The following MACROD2 variants were observed in gnomAD, a reference collection of about 807,000 sequenced individuals.
MACROD2 encodes the protein ADP-ribose glycohydrolase MACROD2.
A neutral mutation model predicts 70.4 loss-of-function variants in MACROD2; 36 were observed. The ratio of observed to expected loss-of-function variants is 0.51; its 90% CI spans 0.39 to 0.68. The LOEUF is 0.68. Among genes scored for constraint, MACROD2 ranks in the 30% least tolerant of loss-of-function variants. The pLI is 0.00. For missense variants in MACROD2, 496 were observed against 538.4 expected, an observed-to-expected ratio of 0.92 and a Z score of 0.78; for synonymous variants, 172 against 178.8, an observed-to-expected ratio of 0.96 and a Z score of 0.30.
intron 8 of MACROD2, among the ~76,000 whole-genome samples, chr20:15,586,877 TA>T (rs781592693): frequency 6.6e-6 from 1 of 151,668 alleles, no homozygotes; most frequent in Non-Finnish European, 1.5e-5. Flanking sequence ...TAGCATATTT[TA>T]AAAATTTGTG....
chr20:14,965,453 CTTTTT>C (rs532870999), intron 5 of MACROD2, among the ~76,000 whole-genome samples: 425 of 67,962 alleles, frequency 6.3e-3, no homozygotes, highest in African/African-American at 0.022. Flanking sequence ...ATTTTTTTTT[CTTTTT>C]TTTTTTTTTT....
At chr20:14,786,434 C>G (rs2072375090) in intron 5 of MACROD2, among the ~76,000 whole-genome samples, 1 of 151,936 alleles carries the variant, frequency 6.6e-6, no homozygotes, top group South Asian at 2.1e-4. Flanking sequence ...GAGAGTTTGG[C>G]TGGGAAGGAC....
At chr20:15,352,044 G>A (rs2078233056) in intron 6 of MACROD2, among the ~76,000 whole-genome samples, 1 of 152,170 alleles carries the variant, frequency 6.6e-6, no homozygotes, top group Admixed American at 6.5e-5. Flanking sequence ...GCTTAAATTA[G>A]GAGATCATCT....
intron 6 of MACROD2, among the ~76,000 whole-genome samples, chr20:15,305,920 C>A (rs1216428190): frequency 7.9e-5 from 12 of 152,224 alleles, no homozygotes; most frequent in East Asian, 1.9e-4. Flanking sequence ...ACTATAAATT[C>A]TATCTTTTGA....
chr20:15,079,591 C>T (rs1271245302), intron 5 of MACROD2, among the ~76,000 whole-genome samples: 5 of 152,112 alleles, frequency 3.3e-5, no homozygotes, highest in African/African-American at 1.2e-4. Flanking sequence ...CTCCCCTTAA[C>T]ATTCACACCT....
intron 2 of MACROD2, among the ~76,000 whole-genome samples, chr20:14,056,195 A>G (rs2053629050): frequency 6.6e-6 from 1 of 152,076 alleles, no homozygotes; most frequent in African/African-American, 2.4e-5. Context: ...TAAAAAAATT[A>G]TTAGCAAACA....
chr20:14,640,373 G>A (rs935442521), intron 4 of MACROD2, among the ~76,000 whole-genome samples: 3 of 152,164 alleles, frequency 2.0e-5, no homozygotes, highest in African/African-American at 7.2e-5. Flanking sequence ...ACAAGTGAAG[G>A]AAATGGGAAG....
chr20:14,911,353 A>G (rs1351113601), intron 5 of MACROD2, among the ~76,000 whole-genome samples: 1 of 152,064 alleles, frequency 6.6e-6, no homozygotes, highest in Non-Finnish European at 1.5e-5. Flanking sequence ...ATAGCTATCA[A>G]TGGCTAGAGC....
chr20:15,208,776 C>A (rs1168287635), intron 5 of MACROD2, among the ~76,000 whole-genome samples: 1 of 152,198 alleles, frequency 6.6e-6, no homozygotes, highest in Non-Finnish European at 1.5e-5. Flanking sequence ...CAGTTAGCTT[C>A]CACTGACCCA....
intron 5 of MACROD2, among the ~76,000 whole-genome samples, chr20:15,102,765 T>C (rs1396477271): frequency 2.6e-5 from 4 of 151,956 alleles, no homozygotes; most frequent in Admixed American, 2.0e-4. Context: ...TTGTTTATAA[T>C]AGCAAAAAAT....
chr20:15,743,528 A>C (rs1046231008), intron 8 of MACROD2, among the ~76,000 whole-genome samples: 1 of 151,980 alleles, frequency 6.6e-6, no homozygotes, highest in Non-Finnish European at 1.5e-5. Flanking sequence ...CTTCATCCTA[A>C]CCTACCTACC....
At chr20:15,108,012 A>AT (rs1215235924) in intron 5 of MACROD2, among the ~76,000 whole-genome samples, 9 of 125,520 alleles carry the variant, frequency 7.2e-5, no homozygotes, top group African/African-American at 2.7e-4. Flanking sequence ...TTTTTTTATT[A>AT]TTTTTTTAAA....
At chr20:15,243,918 T>A (rs1275353488) in intron 6 of MACROD2, among the ~76,000 whole-genome samples, 1 of 151,818 alleles carries the variant, frequency 6.6e-6, no homozygotes, top group Non-Finnish European at 1.5e-5. Context: ...AGAGCGAGAC[T>A]CCATCTCAAA....
chr20:14,597,227 T>C (rs745834785), intron 4 of MACROD2, among the ~76,000 whole-genome samples: 22 of 152,152 alleles, frequency 1.4e-4, no homozygotes, highest in Non-Finnish European at 2.9e-4. Context: ...CAGTATTGCT[T>C]ACATACAGTG....
chr20:14,973,225 CTTT>C lies in MACROD2; in HGVS notation c.419-256693_419-256691del, dbSNP rs1223038135. ...AGAGTGCCTAAGAGGTGAGTAGTTG[CTTT>C]TTTTTTTTTTTTTTTTTTTTTGAGG... On this transcript the variant is annotated intron_variant, in intron 5 of 17. Transcript: ENST00000684519. Among the ~76,000 whole-genome samples, 338 of 85,716 alleles carry C rather than the reference CTTT, an allele frequency of 3.9e-3. 1 individual carries two copies. Among genetic ancestry groups the C allele is most frequent in the African/African-American group, 0.015 (330 of 22,004 alleles). The allele number at this position is 85,716 out of a possible 152,430, so 56.2% of individuals were successfully genotyped here. A position where few individuals can be genotyped will look rare whatever the true frequency, so the allele number is the denominator to read the frequency against.
chr20:15,022,669 T>C (rs998897427), intron 5 of MACROD2, among the ~76,000 whole-genome samples: 5 of 152,164 alleles, frequency 3.3e-5, no homozygotes, highest in Non-Finnish European at 7.3e-5. Context: ...CAATGACGAG[T>C]AAGCAGCAAT....
At chr20:14,354,684 G>A (rs2083156514) in intron 3 of MACROD2, among the ~76,000 whole-genome samples, 2 of 152,054 alleles carry the variant, frequency 1.3e-5, no homozygotes, top group Non-Finnish European at 1.5e-5. Context: ...TGAGGTTCGG[G>A]GTACAAATGA....
chr20:15,307,167 CA>C (rs1170151802), intron 6 of MACROD2, among the ~76,000 whole-genome samples: 1 of 152,138 alleles, frequency 6.6e-6, no homozygotes, highest in Non-Finnish European at 1.5e-5. Context: ...CAAGCTATAT[CA>C]AAGCTCTGCA....
chr20:15,865,099 G>A (rs1166044947), intron 9 of MACROD2, among the ~76,000 whole-genome samples: 1 of 151,992 alleles, frequency 6.6e-6, no homozygotes, highest in Non-Finnish European at 1.5e-5. Flanking sequence ...TCTAACTAGT[G>A]TTCATAATCT....
Sources: allele counts gnomAD v4.1 joint callset (sites outside exome capture counted in the v4.1 genomes callset), GRCh38; gene constraint gnomAD v4.1.1; transcripts MANE v1.5; gene names NCBI Gene and HGNC (gene_info 2026-07-23, HGNC 2026-07-21).